Variants in CNTN2 observed in about 807,000 individuals in gnomAD.
CNTN2 encodes contactin-2.
CNTN2 carries 53 observed loss-of-function variants against 117.5 expected under a neutral mutation model. That is an observed-to-expected ratio of 0.45 (90% CI 0.36 to 0.57). The LOEUF (loss-of-function observed/expected upper bound fraction) is 0.57, where lower values mean the gene tolerates loss of function less well. CNTN2 is among the 20% of genes least tolerant of loss of function. The pLI is 0.00. For missense variants in CNTN2, 1,106 were observed against 1,404.3 expected (o/e 0.79, Z 3.39); for synonymous variants, 530 against 561.7 (o/e 0.94, Z 0.80).
At chr1:205,051,363 A>G (rs373862604) in intron 1 of CNTN2, among the ~76,000 whole-genome samples, 3 of 152,200 alleles carry the variant, frequency 2.0e-5, no homozygotes, top group Non-Finnish European at 2.9e-5. Context: ...CAGGGATGAG[A>G]CATGGACAGG....
rs1284371000 is a variant in CNTN2 at position 205,058,370 on chromosome 1, G to A, written c.391+14G>A. On this transcript the variant is annotated intron_variant, in intron 4 of 22. Transcript: ENST00000331830. This position sits in a 1 kb window ranked among gnomAD's most constrained non-coding sequence, Gnocchi z 4.3. Reference sequence around the variant, plus strand: ...TCCGCTTCGGCTGTGAGACCCGCGGGGGACCAAGACACTTTGGGGGAGGGG... The same window carrying A: ...TCCGCTTCGGCTGTGAGACCCGCGGAGGACCAAGACACTTTGGGGGAGGGG... The A allele has an allele frequency of 2.0e-6, 3 of 1,530,374 alleles. No homozygotes were observed. Among genetic ancestry groups the A allele is most frequent in the Non-Finnish European group, 1.8e-6 (2 of 1,136,964 alleles). The allele number at this position is 1,530,374 out of a possible 1,614,324, so 94.8% of individuals were successfully genotyped here. A position where few individuals can be genotyped will look rare whatever the true frequency, so the allele number is the denominator to read the frequency against.
chr1:205,073,343 A>G lies in CNTN2; in HGVS notation c.3013+107A>G. On this transcript the variant is annotated intron_variant, in intron 22 of 22. Transcript: ENST00000331830. The surrounding 1 kb of genome is among the most constrained non-coding windows in gnomAD (Gnocchi z 6.3). Reference sequence around the variant, plus strand: ...CAACTCCAATCTCTACCCGCAAAGGAAAGTGGAAGGCAGGCAGGAACCAAG... The same window carrying G: ...CAACTCCAATCTCTACCCGCAAAGGGAAGTGGAAGGCAGGCAGGAACCAAG... 13 of 1,375,108 alleles carry G rather than the reference A, an allele frequency of 9.5e-6. No individual in the cohort carries two copies. Among genetic ancestry groups the G allele is most frequent in the Non-Finnish European group, 1.3e-5 (13 of 1,001,240 alleles). The allele number at this position is 1,375,108 out of a possible 1,614,324, so 85.2% of individuals were successfully genotyped here. A position where few individuals can be genotyped will look rare whatever the true frequency, so the allele number is the denominator to read the frequency against.
chr1:205,051,243 C>T (rs1237850508), intron 1 of CNTN2, among the ~76,000 whole-genome samples: 3 of 152,236 alleles, frequency 2.0e-5, no homozygotes, highest in Non-Finnish European at 4.4e-5. Flanking sequence ...CAGCTCAGAA[C>T]CTTCTAATGG....
intron 17 of CNTN2, 40 bp from the exon 18 acceptor site, chr1:205,069,779 GGGACACAT>G: frequency 6.3e-7 from 1 of 1,580,122 alleles, no homozygotes; most frequent in Non-Finnish European, 8.7e-7. Flanking sequence ...GGAACGGGCA[GGGACACAT>G]GCCGCGGACC....
Position 205,057,954 on chromosome 1 carries a change from T to C in CNTN2, c.104T>C (p.Phe35Ser). The C allele has an allele frequency of 6.2e-7, 1 of 1,614,104 alleles. No homozygotes were observed. The highest frequency in any genetic ancestry group is 2.2e-5 in the East Asian group (1 of 44,860). The change falls in exon 3 of 23, where the codon TTC (phenylalanine) becomes TCC (serine). Residue 35 changes from phenylalanine to serine, a missense_variant. Transcript: ENST00000331830. ...WSSALGSQTT[F>S]GPVFEDQPLS... ...TCAGCCCTGGGATCCCAAACCACCT[T>C]CGGGCCTGTCTTTGAAGACCAGCCC...
intron 1 of CNTN2, among the ~76,000 whole-genome samples, chr1:205,052,646 C>A (rs1418107947): frequency 1.3e-5 from 2 of 152,184 alleles, no homozygotes; most frequent in African/African-American, 4.8e-5. Context: ...GGCTTACTAG[C>A]CCCCACCCAG....
At position 205,059,411 on chromosome 1, in the gene CNTN2, C is replaced by T. The variant is rs1258683431; in HGVS notation, c.697+118C>T. ...GCTTGCAGGGCACTGATTCCAGGCC[C>T]TGGACCCCCAGATCCTCCTGCTTCA... On this transcript the variant is annotated intron_variant, in intron 6 of 22. Coordinates refer to ENST00000331830, the MANE Select transcript of CNTN2 (RefSeq NM_005076.5). This position sits in a 1 kb window ranked among gnomAD's most constrained non-coding sequence, Gnocchi z 5.6. The T allele has an allele frequency of 1.6e-6, 2 of 1,213,538 alleles. No homozygotes were observed. The highest frequency in any genetic ancestry group is 3.0e-5 in the African/African-American group (2 of 66,428). 75.2% of individuals were successfully genotyped at this position (1,213,538 alleles called of 1,614,324 possible).
intron 1 of CNTN2, among the ~76,000 whole-genome samples, chr1:205,044,293 G>A (rs771945643): frequency 3.3e-5 from 5 of 152,170 alleles, no homozygotes; most frequent in East Asian, 1.9e-4. Flanking sequence ...GCCAGTGAGT[G>A]TCCAGAGCTG....
At chr1:205,062,140 C>A in intron 9 of CNTN2, 139 bp downstream of exon 9, 1 of 1,090,186 alleles carries the variant, frequency 9.2e-7, no homozygotes, top group Non-Finnish European at 1.3e-6. Context: ...CCTAGGACCA[C>A]CTAAGGACTT....
At position 205,066,491 on chromosome 1, in the gene CNTN2, A is replaced by T; in HGVS notation, c.1867A>T (p.Thr623Ser). 5.6e-6 allele frequency: 9 copies of T among 1,613,924 alleles called. No individual in the cohort carries two copies. The highest frequency in any genetic ancestry group is 7.6e-6 in the Non-Finnish European group (9 of 1,180,008). Residue 623 changes from threonine (T) to serine (S), a missense_variant, in exon 15 of 23, where the codon ACC becomes TCC. Physicochemically the swap from Thr to Ser is moderately conservative, Grantham distance 58 (BLOSUM62 1). Transcript: ENST00000331830. ...GVVVRDIGDT[T>S]IQLSWSRGFD... is the part of the protein sequence containing the mutation. Reference sequence around the variant, plus strand: ...GGTGGTGAGGGACATTGGCGACACCACCATCCAGCTCAGCTGGAGCCGTGG... The same window carrying T: ...GGTGGTGAGGGACATTGGCGACACCTCCATCCAGCTCAGCTGGAGCCGTGG...
chr1:205,067,148 C>G lies in CNTN2; in HGVS notation c.2023C>G (p.Leu675Val), dbSNP rs767923219. The change falls in exon 16 of 23, where the codon CTC becomes GTC. Residue 675 changes from leucine (L) to valine (V), a missense_variant. Leu to Val is a conservative substitution (Grantham distance 32). Coordinates refer to ENST00000331830, the MANE Select transcript of CNTN2 (RefSeq NM_005076.5). ...TGCCGAGACTGCACAGGTGCTGGGC[C>G]TCACCCCCTGGATGGACTATGAGTT... Reference protein sequence around the residue: ...GNAETAQVLGLTPWMDYEFRV... With the variant: ...GNAETAQVLGVTPWMDYEFRV... 1 of 1,614,088 alleles carries G rather than the reference C, an allele frequency of 6.2e-7. No individual in the cohort carries two copies. Among genetic ancestry groups the G allele is most frequent in the South Asian group, 1.1e-5 (1 of 91,080 alleles).
chr1:205,060,727 A>AG (rs1653929739), intron 7 of CNTN2: 1 of 151,150 alleles, frequency 6.6e-6, no homozygotes, highest in South Asian at 2.1e-4. Context: ...AAAAAAAAAA[A>AG]AAAAAAAGAA....
intron 2 of CNTN2, among the ~76,000 whole-genome samples, chr1:205,053,849 A>AGCATAGAACAGGATCTGGGAAGAG (rs1574635529): frequency 1.3e-5 from 2 of 152,230 alleles, no homozygotes; most frequent in East Asian, 3.9e-4. Context: ...CAAATGGACC[A>AGCATAGAACAGGATCTGGGAAGAG]AGCATAGAAC....
chr1:205,050,508 T>G (rs1574631118), intron 1 of CNTN2, among the ~76,000 whole-genome samples: 1 of 152,244 alleles, frequency 6.6e-6, no homozygotes, highest in Admixed American at 6.5e-5. Context: ...CTACTCTGTT[T>G]TTCACTTTCA....
At position 205,071,973 on chromosome 1, in the gene CNTN2, A is replaced by G. The variant is rs1476257343; in HGVS notation, c.2571A>G (p.Lys857=). The G allele has an allele frequency of 6.2e-7, 1 of 1,612,616 alleles. No individual in the cohort carries two copies. The highest frequency in any genetic ancestry group is 2.2e-5 in the East Asian group (1 of 44,832). The change falls in exon 20 of 23, where the codon AAA becomes AAG. Residue 857 remains lysine (K), a synonymous_variant. Coordinates refer to ENST00000331830, the MANE Select transcript of CNTN2 (RefSeq NM_005076.5). ...YEIRYWKAGD[K]EAAADRVRTA... Reference sequence around the variant, plus strand: ...TCCGCTACTGGAAAGCTGGGGACAAAGAAGCAGCTGCGGACCGAGTGAGGA... The same window carrying G: ...TCCGCTACTGGAAAGCTGGGGACAAGGAAGCAGCTGCGGACCGAGTGAGGA...
At position 205,059,432 on chromosome 1, in the gene CNTN2, C is replaced by G; in HGVS notation, c.697+139C>G. ...GGCCCTGGACCCCCAGATCCTCCTG[C>G]TTCAAATCCTGAGGCCCTTGCCCCA... is the stretch of plus-strand genomic sequence containing the variant. On this transcript the variant is annotated intron_variant, in intron 6 of 22. Coordinates refer to ENST00000331830, the MANE Select transcript of CNTN2 (RefSeq NM_005076.5). This position sits in a 1 kb window ranked among gnomAD's most constrained non-coding sequence, Gnocchi z 5.6. The G allele has an allele frequency of 8.7e-7, 1 of 1,150,574 alleles. No homozygotes were observed. The highest frequency in any genetic ancestry group is 1.3e-6 in the Non-Finnish European group (1 of 790,356). 71.3% of individuals were successfully genotyped at this position (1,150,574 alleles called of 1,614,324 possible). A position where few individuals can be genotyped will look rare whatever the true frequency, so the allele number is the denominator to read the frequency against.
chr1:205,066,996 C>T lies in CNTN2; in HGVS notation c.1976-105C>T. ...TGAGTGCTTAGTATATGGCAAGTAC[C>T]GAAGTGAGGGCTGGGTAGATAAGGG... is the stretch of plus-strand genomic sequence containing the variant. On this transcript the variant is annotated intron_variant, in intron 15 of 22. Transcript: ENST00000331830. 18 of 1,399,346 alleles carry T rather than the reference C, an allele frequency of 1.3e-5. No individual in the cohort carries two copies. In the South Asian group the frequency reaches 2.1e-4, roughly 16 times the overall value. The allele number at this position is 1,399,346 out of a possible 1,614,324, so 86.7% of individuals were successfully genotyped here.
At chr1:205,054,849 A>G (rs1168055558) in intron 2 of CNTN2, among the ~76,000 whole-genome samples, 1 of 152,000 alleles carries the variant, frequency 6.6e-6, no homozygotes, top group Non-Finnish European at 1.5e-5. Flanking sequence ...CCACCTTCTC[A>G]TCTCTTTAAC....
intron 15 of CNTN2, among the ~76,000 whole-genome samples, 189 bp from the exon 16 acceptor site, chr1:205,066,912 T>TG (rs11430745): frequency 0.46 from 69,946 of 151,964 alleles, 17,050 homozygotes; most frequent in Non-Finnish European, 0.55. Context: ...CACACAGCAT[T>TG]GCAGAGGCAC....
Sources: gnomAD v4.1 joint callset for allele counts (sites outside exome capture counted in the v4.1 genomes callset) on GRCh38, gnomAD v4.1.1 for gene constraint, Gnocchi (gnomAD v3.1) non-coding constraint, MANE v1.5 for transcripts, NCBI Gene and HGNC (gene_info 2026-07-23, HGNC 2026-07-21) for gene names.